The following LRRTM4 variants were observed in gnomAD, a reference collection of about 807,000 sequenced individuals.
LRRTM4 encodes the protein leucine-rich repeat transmembrane neuronal protein 4.
In LRRTM4, 25 loss-of-function variants were observed where a neutral mutation model predicts 47.6. That is an observed-to-expected ratio of 0.53 (90% CI 0.38 to 0.73). The LOEUF (loss-of-function observed/expected upper bound fraction) is 0.73, where lower values mean the gene tolerates loss of function less well. LRRTM4 is among the 30% of genes least tolerant of loss of function. The probability of loss-of-function intolerance (pLI) is 0.00; values close to 1 mark genes in which losing one functional copy is unlikely to be tolerated. For missense variants in LRRTM4, 638 were observed against 713.4 expected (o/e 0.89, Z 1.20); for synonymous variants, 311 against 269.5 (o/e 1.15, Z -1.51).
intron 3 of LRRTM4, among the ~76,000 whole-genome samples, chr2:77,495,269 T>G (rs1457031913): frequency 1.3e-5 from 2 of 152,102 alleles, no homozygotes; most frequent in Admixed American, 1.3e-4. Context: ...TAGCAATATA[T>G]GAAAGTTCTA....
rs776485268 is a variant in LRRTM4, at chr2:77,044,616, A to AT, written c.1552-295701dup. On this transcript the variant is annotated intron_variant, in intron 3 of 3. Transcript: ENST00000409884. The stretch of plus-strand genomic sequence containing the variant: ...GTGGGAGTGAAAACTAGTTTATTTG[A>AT]TTTTTTTTGGCTATATATATATACA... 4.0e-5 allele frequency among the ~76,000 whole-genome samples: 6 copies of AT among 150,548 alleles called. No homozygotes were observed. In the South Asian group the frequency reaches 8.4e-4, roughly 21 times the overall value.
At chr2:77,233,364 C>G (rs994249428) in intron 3 of LRRTM4, among the ~76,000 whole-genome samples, 1 of 152,152 alleles carries the variant, frequency 6.6e-6, no homozygotes, top group Admixed American at 6.5e-5. Context: ...GTACTCCCAA[C>G]TGGGTTATAA....
At chr2:77,139,760 A>G (rs1672061873) in intron 3 of LRRTM4, among the ~76,000 whole-genome samples, 1 of 152,192 alleles carries the variant, frequency 6.6e-6, no homozygotes, top group Non-Finnish European at 1.5e-5. Context: ...TAAGTGGATA[A>G]GCAACTTCAG....
At chr2:76,781,818 A>G (rs1293358546) in intron 3 of LRRTM4, among the ~76,000 whole-genome samples, 1 of 152,034 alleles carries the variant, frequency 6.6e-6, no homozygotes, top group Non-Finnish European at 1.5e-5. Context: ...CCTGAAGAGG[A>G]CACTTTTTTA....
At chr2:77,058,323 C>CA (rs1679673561) in intron 3 of LRRTM4, among the ~76,000 whole-genome samples, 1 of 152,094 alleles carries the variant, frequency 6.6e-6, no homozygotes, top group Non-Finnish European at 1.5e-5. Flanking sequence ...AGCCTGAGGT[C>CA]AGTGTGTAAC....
chr2:76,812,751 C>T (rs561798988), intron 3 of LRRTM4, among the ~76,000 whole-genome samples: 2 of 132,066 alleles, frequency 1.5e-5, no homozygotes, highest in Non-Finnish European at 3.2e-5. Context: ...CCTCCTCTCC[C>T]TCCTTCTCCT....
chr2:76,783,297 C>A (rs1389756369), intron 3 of LRRTM4, among the ~76,000 whole-genome samples: 6 of 151,848 alleles, frequency 4.0e-5, no homozygotes, highest in Non-Finnish European at 1.5e-5. Flanking sequence ...GAAAACAATG[C>A]CAATTTTAAA....
chr2:76,834,010 CATTTATTTATT>C (rs1452649035), intron 3 of LRRTM4, among the ~76,000 whole-genome samples: 1 of 130,676 alleles, frequency 7.7e-6, no homozygotes, highest in Non-Finnish European at 1.6e-5. Flanking sequence ...CCTTGTTTTT[CATTTATTTATT>C]ATTTATTTAT....
At chr2:77,072,928 TA>T (rs1680210293) in intron 3 of LRRTM4, among the ~76,000 whole-genome samples, 1 of 152,186 alleles carries the variant, frequency 6.6e-6, no homozygotes, top group Non-Finnish European at 1.5e-5. Flanking sequence ...GATGGTTTGT[TA>T]AGACAGAAGA....
chr2:76,807,419 TATATAC>T lies in LRRTM4; in HGVS notation c.1552-58509_1552-58504del, dbSNP rs1202731397. ...ATATATGTATATACGTATATATATA[TATATAC>T]ATATATATATACGTATATACATATA... On this transcript the variant is annotated intron_variant, in intron 3 of 3. Coordinates refer to ENST00000409884, the MANE Select transcript of LRRTM4 (RefSeq NM_001134745.3). 1.5e-3 allele frequency among the ~76,000 whole-genome samples: 128 copies of T among 85,652 alleles called. 2 individuals are homozygous for T. Among genetic ancestry groups the T allele is most frequent in the African/African-American group, 6.4e-3 (111 of 17,276 alleles). The allele number at this position is 85,652 out of a possible 152,430, so 56.2% of individuals were successfully genotyped here.
At chr2:77,223,299 A>G (rs1187750153) in intron 3 of LRRTM4, among the ~76,000 whole-genome samples, 1 of 152,200 alleles carries the variant, frequency 6.6e-6, no homozygotes, top group African/African-American at 2.4e-5. Flanking sequence ...AAACTGGCAC[A>G]AGACAGGGAT....
At chr2:77,004,895 G>A (rs150689171) in intron 3 of LRRTM4, among the ~76,000 whole-genome samples, 1 of 152,160 alleles carries the variant, frequency 6.6e-6, no homozygotes, top group African/African-American at 2.4e-5. Context: ...TGACTGCCCC[G>A]CTGGATTTCT....
intron 3 of LRRTM4, among the ~76,000 whole-genome samples, chr2:77,031,536 G>A (rs954366533): frequency 2.6e-5 from 4 of 152,142 alleles, no homozygotes; most frequent in African/African-American, 7.2e-5. Flanking sequence ...ATCAAAGACT[G>A]TAGATGATGG....
intron 3 of LRRTM4, among the ~76,000 whole-genome samples, chr2:77,156,006 A>G (rs1197446604): frequency 6.6e-6 from 1 of 152,140 alleles, no homozygotes; most frequent in Non-Finnish European, 1.5e-5. Flanking sequence ...TACCCCATAA[A>G]TATGTACAAT....
At chr2:76,953,263 C>A (rs1039643155) in intron 3 of LRRTM4, among the ~76,000 whole-genome samples, 1 of 151,700 alleles carries the variant, frequency 6.6e-6, no homozygotes, top group Non-Finnish European at 1.5e-5. Flanking sequence ...TATTCCAGAC[C>A]TTTTCCCCCA....
Position 77,518,443 on chromosome 2 carries a change from G to A in LRRTM4, c.1426C>T (p.Gln476Ter). The change falls in exon 3 of 4, where the codon CAA (glutamine) becomes TAA (stop). Residue 476 changes from glutamine to a stop codon, truncating the protein, a stop_gained. Coordinates refer to ENST00000409884, the MANE Select transcript of LRRTM4 (RefSeq NM_001134745.3). LOFTEE classifies it high-confidence loss of function. ...TACTCCTGTAAAGGGGAATTCATTTGTCTTTCAGACTCTCTGGCCTTTTTC... is the reference window on the plus strand; with the variant it reads ...TACTCCTGTAAAGGGGAATTCATTTATCTTTCAGACTCTCTGGCCTTTTTC... ...RRKKARESER[Q>*]MNSPLQEYYV... 6.2e-7 allele frequency: 1 copy of A among 1,613,252 alleles called. No homozygotes were observed. The highest frequency in any genetic ancestry group is 8.5e-7 in the Non-Finnish European group (1 of 1,179,572).
intron 3 of LRRTM4, among the ~76,000 whole-genome samples, chr2:77,351,234 G>A (rs1025995152): frequency 1.3e-5 from 2 of 151,196 alleles, no homozygotes; most frequent in Non-Finnish European, 2.9e-5. Context: ...TTTTACTGGA[G>A]GAAACACACA....
chr2:76,978,176 TACAA>T (rs1234591965), intron 3 of LRRTM4, among the ~76,000 whole-genome samples: 2 of 152,000 alleles, frequency 1.3e-5, no homozygotes, highest in East Asian at 1.9e-4. Context: ...CCCCTTGGCC[TACAA>T]ACAGATTGCC....
intron 3 of LRRTM4, among the ~76,000 whole-genome samples, chr2:77,122,236 T>C (rs1671538012): frequency 1.3e-5 from 2 of 151,676 alleles, no homozygotes. Context: ...AATCTAATAC[T>C]ATATGTAAGT....
Sources: allele counts gnomAD v4.1 joint callset (sites outside exome capture counted in the v4.1 genomes callset), GRCh38; gene constraint gnomAD v4.1.1; transcripts MANE v1.5; gene names NCBI Gene and HGNC (gene_info 2026-07-23, HGNC 2026-07-21).